The following HPCAL1 variants were observed in gnomAD, a reference collection of about 807,000 sequenced individuals.
HPCAL1 encodes the protein hippocalcin-like protein 1.
In HPCAL1, 8 loss-of-function variants were observed where a neutral mutation model predicts 17.1. The observed-to-expected ratio is 0.47, with a 90% CI of 0.27 to 0.84. The LOEUF (loss-of-function observed/expected upper bound fraction) is 0.84, where lower values mean the gene tolerates loss of function less well. HPCAL1 is among the 40% of genes least tolerant of loss of function. The pLI, the probability that HPCAL1 is intolerant of heterozygous loss-of-function variation, is 0.13. For synonymous variants in HPCAL1, 112 were observed against 111.4 expected (o/e 1.01, Z -0.03); for missense variants, 165 against 271.1 (o/e 0.61, Z 2.75).
chr2:10,376,497 A>G (rs1377547185), intron 1 of HPCAL1, among the ~76,000 whole-genome samples: 4 of 151,700 alleles, frequency 2.6e-5, no homozygotes, highest in African/African-American at 9.7e-5. Flanking sequence ...GTGCAGTGGC[A>G]CAATCTCGGC....
At position 10,377,623 on chromosome 2, in the gene HPCAL1, C is replaced by T. The variant is rs1037350295; in HGVS notation, c.-110-19212C>T. Among the ~76,000 whole-genome samples the T allele has an allele frequency of 1.3e-4, 20 of 152,100 alleles. 1 individual carries two copies. The highest frequency in any genetic ancestry group is 4.3e-4 in the African/African-American group (18 of 41,394). On this transcript the variant is annotated intron_variant, in intron 1 of 4. Transcript: ENST00000307845. This position sits in a 1 kb window ranked among gnomAD's most constrained non-coding sequence, Gnocchi z 5.9. ...GCAGCCCCCTCCTCCCCCTGGCTCC[C>T]GTGTCCTGCCCACCTCCCCACACTG...
intron 1 of HPCAL1, among the ~76,000 whole-genome samples, chr2:10,383,923 C>T (rs1477127737): frequency 6.6e-6 from 1 of 151,984 alleles, no homozygotes; most frequent in Non-Finnish European, 1.5e-5. Context: ...AAAATATCTC[C>T]AGACATTGCC....
chr2:10,307,415 G>C (rs377720887), intron 1 of HPCAL1, among the ~76,000 whole-genome samples: 2 of 152,146 alleles, frequency 1.3e-5, no homozygotes, highest in African/African-American at 4.8e-5. Context: ...ACCTGCCCAG[G>C]TGCACTGGCT....
chr2:10,416,006 C>T (rs951061180), intron 2 of HPCAL1, among the ~76,000 whole-genome samples: 2 of 152,222 alleles, frequency 1.3e-5, no homozygotes, highest in Non-Finnish European at 2.9e-5. Flanking sequence ...GGCTGGGCAT[C>T]CATCCTCTAC....
intron 1 of HPCAL1, among the ~76,000 whole-genome samples, chr2:10,372,408 A>G (rs1667275245): frequency 6.9e-6 from 1 of 145,154 alleles, no homozygotes; most frequent in Non-Finnish European, 1.6e-5. Flanking sequence ...CAGTGGACAC[A>G]TTGATGGGTA....
chr2:10,323,617 T>TA lies in HPCAL1; in HGVS notation c.-111+20442dup, dbSNP rs904687491. On this transcript the variant is annotated intron_variant, in intron 1 of 4. Transcript: ENST00000307845. This position sits in a 1 kb window ranked among gnomAD's most constrained non-coding sequence, Gnocchi z 4.6. ...CAGCCCAGTGGTGTACTACCTTAGGTAAGCACCAGTTGCGCCTCACTCTAA... is the reference window on the plus strand; with the variant it reads ...CAGCCCAGTGGTGTACTACCTTAGGTAAAGCACCAGTTGCGCCTCACTCTAA... 1.1e-4 allele frequency among the ~76,000 whole-genome samples: 16 copies of TA among 152,308 alleles called. 2 individuals carry two copies. The South Asian group carries it at 1.9e-3, about 18-fold the overall frequency.
chr2:10,377,532 G>A lies in HPCAL1; in HGVS notation c.-110-19303G>A, dbSNP rs568207579. 2.0e-5 allele frequency among the ~76,000 whole-genome samples: 3 copies of A among 152,030 alleles called. No individual in the cohort carries two copies. Among genetic ancestry groups the A allele is most frequent in the South Asian group, 2.1e-4 (1 of 4,812 alleles). ...CTGTCCTTTCACGCACTGTCTGCCC[G>A]CACACACTCTTCCACCCTCTGTCGG... On this transcript the variant is annotated intron_variant, in intron 1 of 4. Transcript: ENST00000307845. The surrounding 1 kb of genome is among the most constrained non-coding windows in gnomAD (Gnocchi z 5.9).
chr2:10,313,915 G>A (rs977442271), intron 1 of HPCAL1, among the ~76,000 whole-genome samples: 7 of 151,932 alleles, frequency 4.6e-5, no homozygotes, highest in Non-Finnish European at 1.0e-4. Context: ...GGCAAATTAC[G>A]AAGTCAGGAG....
Position 10,398,907 on chromosome 2 carries a change from G to A in HPCAL1, c.-25+1987G>A, listed in dbSNP as rs148811135. ...AATAGACACAACTGCATGTGAAGGG[G>A]CCACTTCCACTCCTTCATTCTCCAT... On this transcript the variant is annotated intron_variant, in intron 2 of 4. Coordinates refer to ENST00000307845, the MANE Select transcript of HPCAL1 (RefSeq NM_002149.4). 3.0e-3 allele frequency among the ~76,000 whole-genome samples: 459 copies of A among 152,142 alleles called. 2 individuals are homozygous for A. Among genetic ancestry groups the A allele is most frequent in the African/African-American group, 0.011 (445 of 41,478 alleles).
intron 1 of HPCAL1, among the ~76,000 whole-genome samples, chr2:10,356,576 C>T (rs2125476213): frequency 6.6e-6 from 1 of 152,274 alleles, no homozygotes; most frequent in East Asian, 1.9e-4. Context: ...GATTAAGTAA[C>T]CGGTCCTACG....
At chr2:10,400,566 G>C (rs535266214) in intron 2 of HPCAL1, among the ~76,000 whole-genome samples, 1 of 152,290 alleles carries the variant, frequency 6.6e-6, no homozygotes, top group East Asian at 1.9e-4. Context: ...CTAGGCAGAC[G>C]CTGGTCATGA....
rs1220564284 is a variant in HPCAL1, at chr2:10,367,715, C to T, written c.-110-29120C>T. ...CCATGACCCACACTCCCATGGAAAG[C>T]CTTAGAACTGATGTCAGTGTGAGCC... On this transcript the variant is annotated intron_variant, in intron 1 of 4. Transcript: ENST00000307845. The surrounding 1 kb of genome is among the most constrained non-coding windows in gnomAD (Gnocchi z 4.4). Among the ~76,000 whole-genome samples the T allele has an allele frequency of 6.6e-6, 1 of 152,152 alleles. No homozygotes were observed. The highest frequency in any genetic ancestry group is 2.4e-5 in the African/African-American group (1 of 41,420).
chr2:10,400,096 C>A (rs893830325), intron 2 of HPCAL1, among the ~76,000 whole-genome samples: 1 of 152,162 alleles, frequency 6.6e-6, no homozygotes, highest in Admixed American at 6.5e-5. Context: ...GAGACCTGAC[C>A]AAAGGCCTGC....
intron 2 of HPCAL1, among the ~76,000 whole-genome samples, chr2:10,397,711 C>G (rs773648060): frequency 3.6e-4 from 55 of 152,270 alleles, no homozygotes; most frequent in Non-Finnish European, 6.2e-4. Context: ...TCCTCATGAC[C>G]CTGGTCATCC....
intron 1 of HPCAL1, among the ~76,000 whole-genome samples, chr2:10,309,393 G>A (rs1487014264): frequency 6.6e-6 from 1 of 152,148 alleles, no homozygotes; most frequent in East Asian, 1.9e-4. Context: ...GTAGCCCAAG[G>A]GCATCAGCAG....
intron 1 of HPCAL1, among the ~76,000 whole-genome samples, chr2:10,347,945 GGAGA>G (rs1229793747): frequency 6.6e-6 from 1 of 152,188 alleles, no homozygotes; most frequent in Non-Finnish European, 1.5e-5. Flanking sequence ...CTGGTTTACA[GGAGA>G]AAGATTGGTA....
chr2:10,423,058 A>T lies in HPCAL1; in HGVS notation c.454A>T (p.Ile152Phe). The T allele has an allele frequency of 6.2e-7, 1 of 1,613,426 alleles. No individual in the cohort carries two copies. The highest frequency in any genetic ancestry group is 8.5e-7 in the Non-Finnish European group (1 of 1,179,800). Reference protein sequence around the residue: ...ESTPEKRTDKIFRQMDTNNDG... With the variant: ...ESTPEKRTDKFFRQMDTNNDG... ...CACCCCGGAGAAGCGCACAGACAAG[A>T]TCTTCAGGCAGATGGACACCAACAA... Residue 152 changes from isoleucine to phenylalanine, a missense_variant, in exon 4 of 5, where the codon ATC becomes TTC. Transcript: ENST00000307845.
chr2:10,415,563 AC>A (rs1242993578), intron 2 of HPCAL1, among the ~76,000 whole-genome samples: 1 of 151,976 alleles, frequency 6.6e-6, no homozygotes, highest in Non-Finnish European at 1.5e-5. Flanking sequence ...CGAGGCAAGG[AC>A]CGTATGGGTT....
At chr2:10,322,638 ATCT>A (rs1315328408) in intron 1 of HPCAL1, among the ~76,000 whole-genome samples, 2 of 152,218 alleles carry the variant, frequency 1.3e-5, no homozygotes, top group Admixed American at 6.5e-5. Flanking sequence ...TGACCCATGC[ATCT>A]TCTTCCTGCC....
Sources: allele counts gnomAD v4.1 joint callset (sites outside exome capture counted in the v4.1 genomes callset), GRCh38; gene constraint gnomAD v4.1.1; non-coding constraint Gnocchi (gnomAD v3.1); transcripts MANE v1.5; gene names NCBI Gene and HGNC (gene_info 2026-07-23, HGNC 2026-07-21).